The following CAMK1D variants were observed in gnomAD, a reference collection of about 807,000 sequenced individuals.
The protein encoded by CAMK1D is calcium/calmodulin-dependent protein kinase type 1D.
Under a neutral mutation model 47.7 loss-of-function variants are expected in CAMK1D, and 9 were observed. The observed-to-expected ratio is 0.19, with a 90% CI of 0.11 to 0.33. The LOEUF (loss-of-function observed/expected upper bound fraction) is 0.33, where lower values mean the gene tolerates loss of function less well. Ranked by LOEUF, CAMK1D falls within the 10% of genes least tolerant of loss-of-function variation. The pLI is 1.00. For synonymous variants in CAMK1D, 184 were observed against 184.9 expected (o/e 0.99, Z 0.04); for missense variants, 291 against 488.7 (o/e 0.60, Z 3.81).
At chr10:12,761,191 G>C in intron 4 of CAMK1D, 105 bp downstream of exon 4, 1 of 1,366,896 alleles carries the variant, frequency 7.3e-7, no homozygotes, top group Admixed American at 2.2e-5. Flanking sequence ...CTGATGTAGA[G>C]TGGGTGCAGC....
Position 12,835,286 on chromosome 10 carries a change from G to A in CAMK1D, c.*6399G>A, listed in dbSNP as rs1365912428. 1.3e-5 allele frequency: 2 copies of A among 152,240 alleles called. No individual in the cohort carries two copies. Among genetic ancestry groups the A allele is most frequent in the East Asian group, 3.9e-4 (2 of 5,172 alleles). The allele number at this position is 152,240 out of a possible 1,614,324, so 9.4% of individuals were successfully genotyped here. On this transcript the variant is annotated 3_prime_UTR_variant, in exon 11 of 11. Coordinates refer to ENST00000619168, the MANE Select transcript of CAMK1D (RefSeq NM_153498.4). ...ATGTCCCCGCATCTACTATTACCAG[G>A]CTTGCAATTGGTTCAATTTTCCCAT...
At chr10:12,566,282 T>C (rs2768359) in intron 2 of CAMK1D, among the ~76,000 whole-genome samples, 135,811 of 152,116 alleles carry the variant, frequency 0.89, 61,010 homozygotes, top group Non-Finnish European at 0.95. Flanking sequence ...GCAAGTGTCG[T>C]CTCCCTAAGG....
chr10:12,467,585 A>T (rs1266471193), intron 1 of CAMK1D, among the ~76,000 whole-genome samples: 1 of 152,218 alleles, frequency 6.6e-6, no homozygotes, highest in Non-Finnish European at 1.5e-5. Flanking sequence ...TTCACCTCTG[A>T]TTAAAAAAAT....
intron 1 of CAMK1D, among the ~76,000 whole-genome samples, chr10:12,494,962 C>G (rs1834493052): frequency 1.3e-5 from 2 of 152,208 alleles, no homozygotes; most frequent in South Asian, 4.1e-4. Context: ...TCTAGTGATA[C>G]AGCTGATTCT....
intron 5 of CAMK1D, among the ~76,000 whole-genome samples, chr10:12,787,990 G>T (rs995543575): frequency 2.6e-5 from 4 of 152,084 alleles, no homozygotes; most frequent in Non-Finnish European, 5.9e-5. Flanking sequence ...AAAAAATTAT[G>T]TTTTGTTGGT....
In CAMK1D at chr10:12,802,811, C is replaced by T. The variant is rs544146738; in HGVS notation, c.642-11384C>T. 5.3e-4 allele frequency among the ~76,000 whole-genome samples: 80 copies of T among 152,210 alleles called. 1 individual carries two copies. Among genetic ancestry groups the T allele is most frequent in the Non-Finnish European group, 9.7e-4 (66 of 68,036 alleles). ...CTGGGATTACAGGCGTGAGTCCCCG[C>T]CCCCGGCCTGCTCTTCATTTCTTTG... On this transcript the variant is annotated intron_variant, in intron 6 of 10. Transcript: ENST00000619168.
intron 5 of CAMK1D, among the ~76,000 whole-genome samples, chr10:12,780,405 A>AT (rs1416170933): frequency 6.6e-6 from 1 of 151,758 alleles, no homozygotes; most frequent in Admixed American, 6.6e-5. Flanking sequence ...TCTCCTGTAA[A>AT]TTTTTTTTCT....
At chr10:12,679,683 A>G (rs528463305) in intron 3 of CAMK1D, among the ~76,000 whole-genome samples, 28 of 152,232 alleles carry the variant, frequency 1.8e-4, no homozygotes, top group South Asian at 6.2e-4. Flanking sequence ...ATGTCTCCCA[A>G]TTTCCATAAT....
intron 1 of CAMK1D, among the ~76,000 whole-genome samples, chr10:12,393,778 C>T (rs571999358): frequency 5.6e-4 from 85 of 152,296 alleles, no homozygotes; most frequent in African/African-American, 1.9e-3. Flanking sequence ...GCAGACATGC[C>T]GGCCAGAACA....
rs58137696 is a variant in CAMK1D, at chr10:12,814,367, C to A, written c.754+60C>A. 1,593 of 1,088,146 alleles carry A rather than the reference C, an allele frequency of 1.5e-3. 25 individuals are homozygous for A. In the African/African-American group the frequency reaches 0.022, roughly 15 times the overall value. The allele number at this position is 1,088,146 out of a possible 1,614,324, so 67.4% of individuals were successfully genotyped here. ...CCCCGCGACACTTACACCCAGACCA[C>A]GTGACCCTGACAGGCCCAGGGGACC... On this transcript the variant is annotated intron_variant, in intron 7 of 10. Coordinates refer to ENST00000619168, the MANE Select transcript of CAMK1D (RefSeq NM_153498.4).
chr10:12,806,011 G>A (rs774725438), intron 6 of CAMK1D, among the ~76,000 whole-genome samples: 1 of 152,198 alleles, frequency 6.6e-6, no homozygotes, highest in African/African-American at 2.4e-5. Flanking sequence ...CCCTGGCCGG[G>A]TGGGATCAAG....
intron 2 of CAMK1D, among the ~76,000 whole-genome samples, chr10:12,611,609 T>TTTTTTTTTTTTTTTTTTTTTTTTA (rs1554796845): frequency 8.0e-6 from 1 of 124,710 alleles, no homozygotes; most frequent in Non-Finnish European, 1.7e-5. Context: ...TTTTTTTTTT[T>TTTTTTTTTTTTTTTTTTTTTTTTA]GAGACAGAGT....
intron 2 of CAMK1D, among the ~76,000 whole-genome samples, chr10:12,559,251 C>A (rs1201284577): frequency 1.3e-5 from 2 of 151,950 alleles, no homozygotes; most frequent in Non-Finnish European, 2.9e-5. Context: ...GGCTGTACTC[C>A]AGTTTGGGTG....
chr10:12,510,920 G>A (rs1835021262), intron 1 of CAMK1D, among the ~76,000 whole-genome samples: 1 of 152,202 alleles, frequency 6.6e-6, no homozygotes, highest in South Asian at 2.1e-4. Flanking sequence ...TCCCTGCTCT[G>A]CTAAGAAACG....
rs1833368174 is a variant in CAMK1D, at chr10:12,829,153, C to T, written c.*266C>T. 3 of 366,778 alleles carry T rather than the reference C, an allele frequency of 8.2e-6. No individual in the cohort carries two copies. The highest frequency in any genetic ancestry group is 5.3e-5 in the East Asian group (1 of 18,814). The allele number at this position is 366,778 out of a possible 1,614,324, so 22.7% of individuals were successfully genotyped here. On this transcript the variant is annotated 3_prime_UTR_variant, in exon 11 of 11. Transcript: ENST00000619168. ...CTTGCAAAGCTCTAACTGAACGGAC[C>T]TTCTTATTCCTCTCCCCTAACACCA...
At chr10:12,607,926 G>T (rs141985723) in intron 2 of CAMK1D, among the ~76,000 whole-genome samples, 1 of 151,906 alleles carries the variant, frequency 6.6e-6, no homozygotes, top group Admixed American at 6.6e-5. Context: ...ACATTACTGC[G>T]CTCCAGCCTA....
chr10:12,828,856 C>G lies in CAMK1D; in HGVS notation c.1127C>G (p.Thr376Ser). 6.2e-7 allele frequency: 1 copy of G among 1,613,458 alleles called. No homozygotes were observed. The highest frequency in any genetic ancestry group is 8.5e-7 in the Non-Finnish European group (1 of 1,179,832). The stretch of plus-strand genomic sequence containing the variant: ...GCCGAGCGGAGACCCAGGCCCACCA[C>G]TGTGACGGCAGTGCACTCTGGAAGC... The part of the protein sequence containing the change: ...VGAERRPRPT[T>S]VTAVHSGSK Residue 376 changes from threonine (T) to serine (S), a missense_variant, in exon 11 of 11, where the codon ACT (threonine) becomes AGT (serine). By Grantham distance (58) the Thr-to-Ser change is moderately conservative (BLOSUM62 1). Around this residue, in one of 2 missense-constraint regions of CAMK1D, gnomAD observed 72 missense variants for 64.4 expected, o/e 1.12. Coordinates refer to ENST00000619168, the MANE Select transcript of CAMK1D (RefSeq NM_153498.4).
intron 3 of CAMK1D, among the ~76,000 whole-genome samples, chr10:12,716,499 T>C (rs1036872648): frequency 2.0e-5 from 3 of 152,140 alleles, no homozygotes; most frequent in African/African-American, 7.2e-5. Flanking sequence ...CTCAGAGTGG[T>C]GCATGGGAGA....
In CAMK1D at chr10:12,824,376, C is replaced by A. The variant is rs978879141; in HGVS notation, c.834-89C>A. 2.6e-6 allele frequency: 3 copies of A among 1,143,396 alleles called. No individual in the cohort carries two copies. The Admixed American group carries it at 5.3e-5, about 20-fold the overall frequency. 70.8% of individuals were successfully genotyped at this position (1,143,396 alleles called of 1,614,324 possible). ...CTGTCCACGACTGAGCCTCGGCTCT[C>A]CTGAGGCTAGGTAAGACTCCCCTTT... On this transcript the variant is annotated intron_variant, in intron 8 of 10. Transcript: ENST00000619168.
Sources: gnomAD v4.1 joint callset for allele counts (sites outside exome capture counted in the v4.1 genomes callset) on GRCh38, gnomAD v4.1.1 for gene constraint, gnomAD v4.1.1 regional missense constraint, MANE v1.5 for transcripts, NCBI Gene and HGNC (gene_info 2026-07-23, HGNC 2026-07-21) for gene names.